Variants in EML4 observed in about 807,000 individuals in gnomAD.
The protein encoded by EML4 is echinoderm microtubule-associated protein-like 4.
A neutral mutation model predicts 129.0 loss-of-function variants in EML4; 72 were observed. The observed-to-expected ratio is 0.56, with a 90% CI of 0.46 to 0.68. The LOEUF (loss-of-function observed/expected upper bound fraction) is 0.68. EML4 is among the 30% of genes least tolerant of loss of function. EML4 has a pLI of 0.00. For missense variants in EML4, 1,363 were observed against 1,190.6 expected, an observed-to-expected ratio of 1.14 and a Z score of -2.13; for synonymous variants, 532 against 405.0, an observed-to-expected ratio of 1.31 and a Z score of -3.77.
chr2:42,320,835 G>A (rs2103807930), intron 19 of EML4, among the ~76,000 whole-genome samples: 1 of 152,120 alleles, frequency 6.6e-6, no homozygotes, highest in East Asian at 1.9e-4. Context: ...CTTAGCCCAG[G>A]AGACAGTATA....
At chr2:42,252,386 T>A (rs998132951) in intron 2 of EML4, among the ~76,000 whole-genome samples, 1 of 152,162 alleles carries the variant, frequency 6.6e-6, no homozygotes, top group African/African-American at 2.4e-5. Flanking sequence ...TCCTTCACTT[T>A]TTCATTCACG....
At chr2:42,279,380 A>G (rs1205986048) in intron 6 of EML4, among the ~76,000 whole-genome samples, 4 of 151,630 alleles carry the variant, frequency 2.6e-5, no homozygotes, top group African/African-American at 4.8e-5. Context: ...CCTGCTTTCC[A>G]TAGCGACTAT....
At chr2:42,276,808 A>C (rs1053427570) in intron 6 of EML4, among the ~76,000 whole-genome samples, 1 of 152,234 alleles carries the variant, frequency 6.6e-6, no homozygotes, top group Non-Finnish European at 1.5e-5. Context: ...TGCTGTTTTC[A>C]CTATAATGTA....
chr2:42,259,506 A>G (rs764589725), intron 3 of EML4, among the ~76,000 whole-genome samples: 1 of 152,014 alleles, frequency 6.6e-6, no homozygotes, highest in Non-Finnish European at 1.5e-5. Flanking sequence ...ACCTGTATTC[A>G]TTCATCACTT....
intron 1 of EML4, among the ~76,000 whole-genome samples, chr2:42,235,138 G>C (rs566215003): frequency 4.5e-4 from 68 of 152,138 alleles, no homozygotes; most frequent in African/African-American, 1.6e-3. Context: ...TCTATTAAAA[G>C]TACAGAAATT....
chr2:42,295,653 ATTC>A (rs1283148050), intron 13 of EML4, 137 bp downstream of exon 13: 1 of 644,980 alleles, frequency 1.6e-6, no homozygotes, highest in East Asian at 2.9e-5. Flanking sequence ...TGTTTTCAGC[ATTC>A]TTCATAATCT....
At position 42,245,116 on chromosome 2, in the gene EML4, A is replaced by G. The variant is rs1377207411; in HGVS notation, c.26-389A>G. Among the ~76,000 whole-genome samples the G allele has an allele frequency of 2.1e-3, 4 of 1,886 alleles. No homozygotes were observed. In the East Asian group the frequency reaches 0.061, roughly 29 times the overall value. 1.2% of individuals were successfully genotyped at this position (1,886 alleles called of 152,430 possible). A position where few individuals can be genotyped will look rare whatever the true frequency, so the allele number is the denominator to read the frequency against. ...TTTCTTTTTTTTTTTTTTTTTTGAGACAGACTCTTGCTCTGTTGCCCAGAC... is the reference window on the plus strand; with the variant it reads ...TTTCTTTTTTTTTTTTTTTTTTGAGGCAGACTCTTGCTCTGTTGCCCAGAC... On this transcript the variant is annotated intron_variant, in intron 1 of 22. Transcript: ENST00000318522.
intron 1 of EML4, among the ~76,000 whole-genome samples, chr2:42,178,412 C>T (rs530194377): frequency 2.0e-5 from 3 of 151,480 alleles, no homozygotes; most frequent in African/African-American, 7.3e-5. Context: ...ATTAGCTGAA[C>T]GTGGTGGTGC....
At position 42,332,445 on chromosome 2, in the gene EML4, T is replaced by C; in HGVS notation, c.*2238T>C. On this transcript the variant is annotated 3_prime_UTR_variant, in exon 23 of 23. Transcript: ENST00000318522. Reference sequence around the variant, plus strand: ...TTGTGAATGAAAATGAATCCAAGTGTTTCATGTGAAGATGTTGAGCCATTG... The same window carrying C: ...TTGTGAATGAAAATGAATCCAAGTGCTTCATGTGAAGATGTTGAGCCATTG... 1.0e-5 allele frequency: 2 copies of C among 200,434 alleles called. No individual in the cohort carries two copies. Among genetic ancestry groups the C allele is most frequent in the Non-Finnish European group, 2.1e-5 (2 of 96,896 alleles). 12.4% of individuals were successfully genotyped at this position (200,434 alleles called of 1,614,324 possible).
At chr2:42,313,039 C>A (rs1669048902) in intron 17 of EML4, among the ~76,000 whole-genome samples, 1 of 149,970 alleles carries the variant, frequency 6.7e-6, no homozygotes, top group African/African-American at 2.5e-5. Flanking sequence ...AGCTCCACCG[C>A]CTGCGTTCAC....
In EML4 at chr2:42,330,641, AAAAG is replaced by A. The variant is rs1441325324; in HGVS notation, c.*438_*441del. 2.2e-5 allele frequency: 6 copies of A among 266,702 alleles called. No individual in the cohort carries two copies. Among genetic ancestry groups the A allele is most frequent in the Non-Finnish European group, 4.4e-5 (6 of 136,526 alleles). 16.5% of individuals were successfully genotyped at this position (266,702 alleles called of 1,614,324 possible). On this transcript the variant is annotated 3_prime_UTR_variant, in exon 23 of 23. Transcript: ENST00000318522. ...CTACTTTTTTTTTTTTTTTTCCTGA[AAAAG>A]AAACCAGAAAAAAATGTACTCTTAC...
At chr2:42,289,575 G>A (rs1435617734) in intron 11 of EML4, 3 of 151,950 alleles carry the variant, frequency 2.0e-5, no homozygotes, top group African/African-American at 7.3e-5. Context: ...ATCTTTCCTA[G>A]CCCCCAACCA....
rs145537230 is a variant in EML4, at chr2:42,201,522, C to G, written c.25+31886C>G. Among the ~76,000 whole-genome samples the G allele has an allele frequency of 1.1e-3, 167 of 152,226 alleles. 3 individuals carry two copies. In the East Asian group the frequency reaches 0.026, roughly 23 times the overall value. On this transcript the variant is annotated intron_variant, in intron 1 of 22. Coordinates refer to ENST00000318522, the MANE Select transcript of EML4 (RefSeq NM_019063.5). Reference sequence around the variant, plus strand: ...GAGTATATATCCAAAGGAATTGAAACCATTATATTGAAGAGATGCCTGCAC... The same window carrying G: ...GAGTATATATCCAAAGGAATTGAAAGCATTATATTGAAGAGATGCCTGCAC...
intron 11 of EML4, among the ~76,000 whole-genome samples, chr2:42,294,809 G>A (rs1667854029): frequency 6.6e-6 from 1 of 152,124 alleles, no homozygotes; most frequent in African/African-American, 2.4e-5. Flanking sequence ...AAGAAAGAAT[G>A]TACATTGCTC....
intron 1 of EML4, among the ~76,000 whole-genome samples, chr2:42,212,716 C>T (rs1465982899): frequency 6.6e-6 from 1 of 152,202 alleles, no homozygotes; most frequent in East Asian, 1.9e-4. Context: ...CCCCTTCATG[C>T]ATTTCTATAT....
intron 1 of EML4, among the ~76,000 whole-genome samples, chr2:42,170,536 A>AG (rs1413336041): frequency 6.6e-6 from 1 of 152,232 alleles, no homozygotes; most frequent in Non-Finnish European, 1.5e-5. Flanking sequence ...CACCAGATGA[A>AG]GGTAATCTTC....
At chr2:42,203,640 C>CT (rs3038374) in intron 1 of EML4, among the ~76,000 whole-genome samples, 38,409 of 141,246 alleles carry the variant, frequency 0.27, 5,364 homozygotes, top group South Asian at 0.36. Flanking sequence ...ATAGCCACCC[C>CT]TTTTTTTTTT....
At chr2:42,256,744 C>T in intron 3 of EML4, 114 bp downstream of exon 3, 1 of 1,294,156 alleles carries the variant, frequency 7.7e-7, no homozygotes, top group Non-Finnish European at 1.1e-6. Flanking sequence ...GTGAGCATGT[C>T]CTTTGAATTC....
chr2:42,175,425 T>C (rs975787630), intron 1 of EML4, among the ~76,000 whole-genome samples: 3 of 152,164 alleles, frequency 2.0e-5, no homozygotes, highest in African/African-American at 7.2e-5. Flanking sequence ...GAGTGTGTTA[T>C]TTTTTTAAAA....
Sources: gnomAD v4.1 joint callset for allele counts (sites outside exome capture counted in the v4.1 genomes callset) on GRCh38, gnomAD v4.1.1 for gene constraint, MANE v1.5 for transcripts, NCBI Gene and HGNC (gene_info 2026-07-23, HGNC 2026-07-21) for gene names.